KCTD3: variants seen among roughly 807,000 people sequenced by gnomAD.
KCTD3 encodes the protein BTB/POZ domain-containing protein KCTD3.
KCTD3 carries 41 observed loss-of-function variants against 85.8 expected under a neutral mutation model. The observed-to-expected ratio is 0.48, with a 90% CI of 0.37 to 0.62. The LOEUF (loss-of-function observed/expected upper bound fraction) is 0.62, where lower values mean the gene tolerates loss of function less well. Ranked by LOEUF, KCTD3 falls within the 20% of genes least tolerant of loss-of-function variation. The pLI, the probability that KCTD3 is intolerant of heterozygous loss-of-function variation, is 0.00. For synonymous variants in KCTD3, 338 were observed against 345.4 expected, an observed-to-expected ratio of 0.98 and a Z score of 0.24; for missense variants, 724 against 989.9, an observed-to-expected ratio of 0.73 and a Z score of 3.60.
At chr1:215,612,233 A>T (rs1466720433) in intron 15 of KCTD3, among the ~76,000 whole-genome samples, 2 of 152,208 alleles carry the variant, frequency 1.3e-5, no homozygotes, top group Non-Finnish European at 2.9e-5. Flanking sequence ...TTCTATCTTT[A>T]AAAAACCTGG....
chr1:215,586,742 A>G lies in KCTD3; in HGVS notation c.817+57A>G, dbSNP rs1660024878. ...ATGATATTAATATTTTGAAGTTTAT[A>G]AAAGAGATTGACACTGAATATGAAA... On this transcript the variant is annotated intron_variant, in intron 9 of 17. Coordinates refer to ENST00000259154, the MANE Select transcript of KCTD3 (RefSeq NM_016121.5). The G allele has an allele frequency of 4.9e-6, 7 of 1,416,786 alleles. No homozygotes were observed. The South Asian group carries it at 7.9e-5, about 16-fold the overall frequency. 87.8% of individuals were successfully genotyped at this position (1,416,786 alleles called of 1,614,324 possible).
chr1:215,605,685 C>A (rs1654992523), intron 13 of KCTD3, among the ~76,000 whole-genome samples: 1 of 152,072 alleles, frequency 6.6e-6, no homozygotes, highest in African/African-American at 2.4e-5. Context: ...CCTCAAAAGC[C>A]ATCTTAGTAT....
Position 215,615,223 on chromosome 1 carries a change from G to A in KCTD3, c.1562+3302G>A, listed in dbSNP as rs184065084. On this transcript the variant is annotated intron_variant, in intron 15 of 17. Coordinates refer to ENST00000259154, the MANE Select transcript of KCTD3 (RefSeq NM_016121.5). ...ATAGTGAACCAAAGATTTTGTTTAA[G>A]GACAGTTCAGGCTCTTAATAGTGAG... Among the ~76,000 whole-genome samples the A allele has an allele frequency of 3.3e-3, 495 of 152,224 alleles. 5 individuals are homozygous for A. Among genetic ancestry groups the A allele is most frequent in the African/African-American group, 0.011 (470 of 41,528 alleles).
At chr1:215,579,822 A>G in intron 7 of KCTD3, 87 bp from the exon 8 acceptor site, 1 of 880,084 alleles carries the variant, frequency 1.1e-6, no homozygotes, top group Non-Finnish European at 1.9e-6. Context: ...TAACCAAAAC[A>G]GGCAGAAGGC....
rs1659161301 is a variant in KCTD3 at position 215,567,419 on chromosome 1, G to A, written c.-267G>A. On this transcript the variant is annotated 5_prime_UTR_variant, in exon 1 of 18. Transcript: ENST00000259154. Reference sequence around the variant, plus strand: ...CGGTGGCAGCGGAGCACGGAGAAGAGGCCCGGGCGGCCCGGCGGCCTGGAG... The same window carrying A: ...CGGTGGCAGCGGAGCACGGAGAAGAAGCCCGGGCGGCCCGGCGGCCTGGAG... 4.5e-6 allele frequency: 1 copy of A among 224,310 alleles called. No individual in the cohort carries two copies. 13.9% of individuals were successfully genotyped at this position (224,310 alleles called of 1,614,324 possible).
Position 215,586,626 on chromosome 1 carries a change from C to T in KCTD3, c.758C>T (p.Ala253Val), listed in dbSNP as rs1317989414. The change falls in exon 9 of 18, where the codon GCC becomes GTC. Residue 253 changes from alanine (A) to valine (V), a missense_variant. Physicochemically the swap from Ala to Val is moderately conservative, Grantham distance 64. Transcript: ENST00000259154. ...HGDKDKMVAV[A>V]SESSIILWSV... The stretch of plus-strand genomic sequence containing the variant: ...GACAAAGACAAAATGGTTGCTGTTG[C>T]CTCAGAGAGTAGCATCATCTTGTGG... 2.5e-6 allele frequency: 4 copies of T among 1,613,802 alleles called. No individual in the cohort carries two copies. In the Admixed American group the frequency reaches 5.0e-5, roughly 20 times the overall value.
chr1:215,576,449 T>G (rs1215602042), intron 4 of KCTD3, among the ~76,000 whole-genome samples: 1 of 151,940 alleles, frequency 6.6e-6, no homozygotes, highest in Non-Finnish European at 1.5e-5. Context: ...TACACGCCTA[T>G]AATCCCAGCT....
At chr1:215,575,756 A>G (rs897718722) in intron 3 of KCTD3, 145 bp from the exon 4 acceptor site, 4 of 550,548 alleles carry the variant, frequency 7.3e-6, no homozygotes, top group African/African-American at 2.0e-5. Context: ...CTACATTCCA[A>G]TTTTAGAAAC....
At chr1:215,613,117 A>G (rs2102602983) in intron 15 of KCTD3, among the ~76,000 whole-genome samples, 1 of 152,322 alleles carries the variant, frequency 6.6e-6, no homozygotes, top group African/African-American at 2.4e-5. Flanking sequence ...CATCCCGCAC[A>G]TGTACCCCAG....
At chr1:215,596,619 A>G (rs1296576644) in intron 10 of KCTD3, among the ~76,000 whole-genome samples, 1 of 152,126 alleles carries the variant, frequency 6.6e-6, no homozygotes, top group East Asian at 1.9e-4. Flanking sequence ...GTGTTGGTGG[A>G]AGAAAGCTAG....
chr1:215,607,965 A>G (rs1332282761), intron 13 of KCTD3, 52 bp from the exon 14 acceptor site: 1 of 1,493,360 alleles, frequency 6.7e-7, no homozygotes, highest in Non-Finnish European at 9.1e-7. Flanking sequence ...AAAAGTTAAA[A>G]TGAGTTTTTA....
chr1:215,591,371 C>T (rs893860190), intron 9 of KCTD3, among the ~76,000 whole-genome samples: 1 of 147,754 alleles, frequency 6.8e-6, no homozygotes, highest in Non-Finnish European at 1.5e-5. Context: ...TCTTCTCTTT[C>T]TTTCTTAGAC....
At chr1:215,584,271 A>G (rs950039400) in intron 8 of KCTD3, among the ~76,000 whole-genome samples, 1 of 152,138 alleles carries the variant, frequency 6.6e-6, no homozygotes, top group African/African-American at 2.4e-5. Context: ...TTTTGAAACA[A>G]TTTTCCTATT....
At chr1:215,577,971 C>G (rs1374632889) in intron 5 of KCTD3, 30 bp from the exon 6 acceptor site, 1 of 1,603,076 alleles carries the variant, frequency 6.2e-7, no homozygotes, top group Non-Finnish European at 8.5e-7. Context: ...TGCATGTACT[C>G]TTGACAAGTT....
At position 215,604,112 on chromosome 1, in the gene KCTD3, C is replaced by T; in HGVS notation, c.1139-20C>T. On this transcript the variant is annotated intron_variant, in intron 12 of 17. Transcript: ENST00000259154. ...TATCGTTCCATAATGTATCACCTGTCAACTCTTGACTTTATATAGGTGTCA... is the reference window on the plus strand; with the variant it reads ...TATCGTTCCATAATGTATCACCTGTTAACTCTTGACTTTATATAGGTGTCA... 6.3e-7 allele frequency: 1 copy of T among 1,580,282 alleles called. No individual in the cohort carries two copies.
In KCTD3 at chr1:215,575,887, T is replaced by G. The variant is rs1659555407; in HGVS notation, c.184-14T>G. ...ATTTGTAATTTGAAAATAAAACTGTTCTCTTTTTTACAGATATTTATTGAT... is the reference window on the plus strand; with the variant it reads ...ATTTGTAATTTGAAAATAAAACTGTGCTCTTTTTTACAGATATTTATTGAT... On this transcript the variant is annotated splice_polypyrimidine_tract_variant and intron_variant, in intron 3 of 17. Coordinates refer to ENST00000259154, the MANE Select transcript of KCTD3 (RefSeq NM_016121.5). The G allele has an allele frequency of 7.0e-7, 1 of 1,428,656 alleles. No individual in the cohort carries two copies. The highest frequency in any genetic ancestry group is 9.6e-7 in the Non-Finnish European group (1 of 1,037,788). 88.5% of individuals were successfully genotyped at this position (1,428,656 alleles called of 1,614,324 possible). A position where few individuals can be genotyped will look rare whatever the true frequency, so the allele number is the denominator to read the frequency against.
intron 1 of KCTD3, among the ~76,000 whole-genome samples, chr1:215,571,239 T>G (rs987738824): frequency 7.2e-5 from 11 of 152,222 alleles, no homozygotes; most frequent in African/African-American, 2.7e-4. Context: ...TATGAATCCT[T>G]GGATCCTTCA....
Position 215,601,968 on chromosome 1 carries a change from C to G in KCTD3, c.1021+14C>G. ...TATATTACATAGGTAAGTGTTCAGT[C>G]ACTTAAAATGCTCCTGCTTAATGTA... On this transcript the variant is annotated intron_variant, in intron 11 of 17. Transcript: ENST00000259154. 2 of 1,513,038 alleles carry G rather than the reference C, an allele frequency of 1.3e-6. No individual in the cohort carries two copies. Among genetic ancestry groups the G allele is most frequent in the Non-Finnish European group, 1.8e-6 (2 of 1,092,366 alleles). The allele number at this position is 1,513,038 out of a possible 1,614,324, so 93.7% of individuals were successfully genotyped here.
At chr1:215,585,289 A>G (rs994777930) in intron 8 of KCTD3, among the ~76,000 whole-genome samples, 1 of 152,178 alleles carries the variant, frequency 6.6e-6, no homozygotes, top group Non-Finnish European at 1.5e-5. Flanking sequence ...GGTGGTTACA[A>G]ATTACACAAT....
Sources: gnomAD v4.1 joint callset for allele counts (sites outside exome capture counted in the v4.1 genomes callset) on GRCh38, gnomAD v4.1.1 for gene constraint, MANE v1.5 for transcripts, NCBI Gene and HGNC (gene_info 2026-07-23, HGNC 2026-07-21) for gene names.